PEX5: variants seen among roughly 807,000 people sequenced by gnomAD.
PEX5 encodes peroxisomal biogenesis factor 5.
In PEX5, 52 loss-of-function variants were observed where a neutral mutation model predicts 82.9. The observed-to-expected ratio is 0.63, with a 90% CI of 0.50 to 0.79. PEX5 has a LOEUF of 0.79. PEX5 is among the 30% of genes least tolerant of loss of function. PEX5 has a pLI of 0.00. For synonymous variants in PEX5, 300 were observed against 318.8 expected, an observed-to-expected ratio of 0.94 and a Z score of 0.63; for missense variants, 719 against 815.2, an observed-to-expected ratio of 0.88 and a Z score of 1.44.
intron 13 of PEX5, 82 bp downstream of exon 13, chr12:7,208,751 G>A (rs1417025288): frequency 8.4e-7 from 1 of 1,197,354 alleles, no homozygotes; most frequent in Non-Finnish European, 1.2e-6. Flanking sequence ...TGGAAGTTTG[G>A]ATGGATTGAG....
At chr12:7,212,498 CA>C (rs5796272), downstream of PEX5, among the ~76,000 whole-genome samples, 102,152 of 130,896 alleles carry the variant, frequency 0.78, 39,011 homozygotes, top group South Asian at 0.85. Flanking sequence ...ACCCAAAAAA[CA>C]AAAAAAACAG....
intron 5 of PEX5, among the ~76,000 whole-genome samples, chr12:7,195,595 G>A (rs139736801): frequency 1.0e-3 from 153 of 150,830 alleles, no homozygotes; most frequent in Middle Eastern, 6.9e-3. Context: ...AAATTCAAAG[G>A]TGCTTTGTGT....
At chr12:7,191,740 G>A (rs1364420887) in intron 5 of PEX5, 40 bp downstream of exon 5, 1 of 1,590,114 alleles carries the variant, frequency 6.3e-7, no homozygotes. Flanking sequence ...GGCTTCTATG[G>A]GACAGAATTC....
At chr12:7,195,530 A>G (rs1381622948) in intron 5 of PEX5, among the ~76,000 whole-genome samples, 1 of 150,724 alleles carries the variant, frequency 6.6e-6, no homozygotes, top group Admixed American at 6.6e-5. Context: ...CAGCTCTGGG[A>G]TTTTTTTTCT....
At chr12:7,213,717 T>C (rs1945694356), downstream of PEX5, among the ~76,000 whole-genome samples, 2 of 148,704 alleles carry the variant, frequency 1.3e-5, no homozygotes, top group African/African-American at 4.9e-5. Flanking sequence ...AAAGACAAAA[T>C]TGACAAATGG....
downstream of PEX5, among the ~76,000 whole-genome samples, chr12:7,213,557 C>A (rs1291505631): frequency 6.8e-6 from 1 of 147,682 alleles, no homozygotes; most frequent in South Asian, 2.3e-4. Context: ...CTTCCTTACA[C>A]CTTATACAAA....
At chr12:7,199,580 A>T (rs1050401132) in intron 6 of PEX5, among the ~76,000 whole-genome samples, 1 of 151,588 alleles carries the variant, frequency 6.6e-6, no homozygotes, top group Non-Finnish European at 1.5e-5. Flanking sequence ...ACAGAACAAA[A>T]TGAAAAGTCT....
intron 5 of PEX5, among the ~76,000 whole-genome samples, chr12:7,197,926 G>A (rs1450772618): frequency 2.6e-5 from 4 of 152,166 alleles, no homozygotes; most frequent in Non-Finnish European, 5.9e-5. Context: ...GCAGGGGAAG[G>A]TGGTGGCAGA....
chr12:7,213,379 G>GAGAT (rs1945680958), downstream of PEX5, among the ~76,000 whole-genome samples: 1 of 149,744 alleles, frequency 6.7e-6, no homozygotes, highest in Non-Finnish European at 1.5e-5. Flanking sequence ...TACCAAAACA[G>GAGAT]AGATATAGAT....
rs199822160 is a variant in PEX5 at position 7,207,725 on chromosome 12, C to T, written c.1033C>T (p.Arg345Cys). 2.8e-5 allele frequency: 45 copies of T among 1,613,830 alleles called. No homozygotes were observed. Among genetic ancestry groups the T allele is most frequent in the Middle Eastern group, 1.6e-4 (1 of 6,084 alleles). ...TCAGCCTTTTGAAGAAGGGCTGCGG[C>T]GCCTTCAGGAGGGGGACCTGCCAAA... ...HPQPFEEGLR[R>C]LQEGDLPNAV... Residue 345 changes from arginine to cysteine, a missense_variant, in exon 11 of 16, where the codon CGC (arginine) becomes TGC (cysteine). Transcript: ENST00000675855.
intron 6 of PEX5, among the ~76,000 whole-genome samples, chr12:7,199,804 T>A (rs1277277017): frequency 8.0e-6 from 1 of 124,568 alleles, no homozygotes; most frequent in African/African-American, 2.9e-5. Flanking sequence ...CCCCTCACCT[T>A]CTGGACGGGG....
Position 7,210,635 on chromosome 12 carries a change from T to C in PEX5, c.*412T>C, listed in dbSNP as rs1277225585. On this transcript the variant is annotated 3_prime_UTR_variant, in exon 16 of 16. Transcript: ENST00000675855. ...TTGATAGTCCAGCTTCCTTGGGCAG[T>C]GTAAGTAGGAGGTTCATCTGCTGTG... 6.0e-6 allele frequency: 2 copies of C among 332,072 alleles called. No homozygotes were observed. The highest frequency in any genetic ancestry group is 7.9e-5 in the East Asian group (1 of 12,698). 20.6% of individuals were successfully genotyped at this position (332,072 alleles called of 1,614,324 possible).
upstream of PEX5, chr12:7,189,556 G>A (rs1478883694): frequency 4.9e-6 from 1 of 205,898 alleles, no homozygotes; most frequent in African/African-American, 2.3e-5. Flanking sequence ...TAAGACTCAC[G>A]GCTCTTCCCG....
At chr12:7,200,483 G>A (rs887529467) in intron 6 of PEX5, among the ~76,000 whole-genome samples, 4 of 152,074 alleles carry the variant, frequency 2.6e-5, no homozygotes, top group Non-Finnish European at 5.9e-5. Context: ...CTTCCCAGAT[G>A]GGGTGGCGGC....
downstream of PEX5, among the ~76,000 whole-genome samples, chr12:7,215,005 A>T (rs1298275107): frequency 2.0e-5 from 3 of 152,160 alleles, no homozygotes; most frequent in Non-Finnish European, 2.9e-5. Context: ...TTAAAATTTT[A>T]CTCAGATTAT....
intron 10 of PEX5, among the ~76,000 whole-genome samples, chr12:7,205,675 C>T (rs774911833): frequency 6.6e-6 from 1 of 152,106 alleles, no homozygotes; most frequent in African/African-American, 2.4e-5. Context: ...GAGGGATCCC[C>T]CAGAGTACTC....
At chr12:7,190,733 C>CTGAG in intron 2 of PEX5, 155 bp from the exon 3 acceptor site, 9 of 1,331,696 alleles carry the variant, frequency 6.8e-6, no homozygotes, top group Non-Finnish European at 9.7e-6. Flanking sequence ...TTACCACTTA[C>CTGAG]TGAGCGTTTA....
At position 7,203,185 on chromosome 12, in the gene PEX5, ACTGC is replaced by A. The variant is rs1565707453; in HGVS notation, c.847-246_847-243del. Among the ~76,000 whole-genome samples the A allele has an allele frequency of 0.14, 10,815 of 79,202 alleles. 2,964 individuals carry two copies. Among genetic ancestry groups the A allele is most frequent in the East Asian group, 0.25 (622 of 2,460 alleles). 52.0% of individuals were successfully genotyped at this position (79,202 alleles called of 152,430 possible). The stretch of plus-strand genomic sequence containing the variant: ...AACAAAAAACTAAACTAAACTATGC[ACTGC>A]ACTGCACTGCACTGCACTGCACTGC... On this transcript the variant is annotated intron_variant, in intron 9 of 15. Transcript: ENST00000675855.
chr12:7,217,950 C>T lies in PEX5; in HGVS notation c.*20-452C>T, dbSNP rs183794162. 2.1e-4 allele frequency among the ~76,000 whole-genome samples: 32 copies of T among 152,302 alleles called. No individual in the cohort carries two copies. In the East Asian group the frequency reaches 2.3e-3, roughly 11 times the overall value. ...TCCCTTTGTGGTGGTCAGCAAGAGA[C>T]GTGCAGTTTCAGTTCCATGCAGAGT... On this transcript the variant is annotated intron_variant, in intron 17 of 17. Transcript: ENST00000455147.
Sources: gnomAD v4.1 joint callset for allele counts (sites outside exome capture counted in the v4.1 genomes callset) on GRCh38, gnomAD v4.1.1 for gene constraint, MANE v1.5 for transcripts, NCBI Gene and HGNC (gene_info 2026-07-23, HGNC 2026-07-21) for gene names.